KLF12: variants seen among roughly 807,000 people sequenced by gnomAD.
KLF12 encodes Krueppel-like factor 12.
A neutral mutation model predicts 37.8 loss-of-function variants in KLF12; 9 were observed. The ratio of observed to expected loss-of-function variants is 0.24; its 90% confidence interval spans 0.14 to 0.42. KLF12 has a LOEUF of 0.42. Ranked by LOEUF, KLF12 falls within the 10% of genes least tolerant of loss-of-function variation. The pLI, the probability that KLF12 is intolerant of heterozygous loss-of-function variation, is 1.00. For synonymous variants in KLF12, 208 were observed against 202.1 expected (o/e 1.03, Z -0.25); for missense variants, 411 against 516.0 (o/e 0.80, Z 1.97).
the KLF12 span, among the ~76,000 whole-genome samples, chr13:74,241,227 C>T: frequency 6.7e-6 from 1 of 149,710 alleles, no homozygotes; most frequent in African/African-American, 2.6e-5. Context: ...TGTGCCCCTG[C>T]TGGGGGGTGC....
At chr13:73,778,152 G>T (rs957609567) in intron 5 of KLF12, among the ~76,000 whole-genome samples, 3 of 146,790 alleles carry the variant, frequency 2.0e-5, no homozygotes, top group East Asian at 2.0e-4. Context: ...AATAAAAAAA[G>T]AAAACAAAAC....
intron 1 of KLF12, among the ~76,000 whole-genome samples, chr13:74,106,800 C>G (rs1876674153): frequency 6.6e-6 from 1 of 152,074 alleles, no homozygotes; most frequent in Admixed American, 6.6e-5. Flanking sequence ...TATCTGCCCA[C>G]AGCCAAGCCA....
chr13:73,844,927 G>A (rs1417982386), intron 4 of KLF12: 2 of 151,940 alleles, frequency 1.3e-5, no homozygotes, highest in African/African-American at 2.4e-5. Context: ...AATGATTATG[G>A]GCATTCTGCA....
In KLF12 at chr13:73,690,625, C is replaced by T. The variant is rs183717490; in HGVS notation, c.*4865G>A. ...TGGCCACTCTATTTTGAACAGAACA[C>T]GAAGAGCATGCTCTGACAAAGTTGG... is the stretch of plus-strand genomic sequence containing the variant. On this transcript the variant is annotated 3_prime_UTR_variant, in exon 8 of 8. Coordinates refer to ENST00000377669, the MANE Select transcript of KLF12 (RefSeq NM_007249.5). The T allele has an allele frequency of 3.9e-5, 6 of 152,278 alleles. No individual in the cohort carries two copies. The highest frequency in any genetic ancestry group is 1.2e-4 in the African/African-American group (5 of 41,562). 9.4% of individuals were successfully genotyped at this position (152,278 alleles called of 1,614,324 possible).
intron 6 of KLF12, among the ~76,000 whole-genome samples, chr13:73,763,369 TTTTA>T (rs1156871653): frequency 6.6e-6 from 1 of 152,172 alleles, no homozygotes; most frequent in African/African-American, 2.4e-5. Context: ...AGAAACCATG[TTTTA>T]TTTATCTTTC....
chr13:74,188,410 T>C, the KLF12 span, among the ~76,000 whole-genome samples: 4 of 152,210 alleles, frequency 2.6e-5, no homozygotes, highest in South Asian at 8.3e-4. Flanking sequence ...AATATGCAAA[T>C]TCGATCGTCA....
chr13:74,054,656 C>T (rs1303112131), intron 1 of KLF12, among the ~76,000 whole-genome samples: 1 of 152,178 alleles, frequency 6.6e-6, no homozygotes, highest in African/African-American at 2.4e-5. Flanking sequence ...AACTGTGCTG[C>T]CTCCTTTGTT....
At chr13:73,825,895 A>G (rs1883810034) in intron 4 of KLF12, among the ~76,000 whole-genome samples, 1 of 152,178 alleles carries the variant, frequency 6.6e-6, no homozygotes, top group Admixed American at 6.5e-5. Flanking sequence ...CCATCTGCTA[A>G]TAAGAGAGTA....
chr13:73,716,789 C>T (rs771139659), intron 6 of KLF12, among the ~76,000 whole-genome samples: 29 of 151,890 alleles, frequency 1.9e-4, no homozygotes, highest in Non-Finnish European at 3.4e-4. Context: ...TCATCCATGT[C>T]GATATAAATG....
At chr13:74,003,889 A>C (rs1053997461) in intron 1 of KLF12, among the ~76,000 whole-genome samples, 1 of 152,150 alleles carries the variant, frequency 6.6e-6, no homozygotes, top group African/African-American at 2.4e-5. Flanking sequence ...TGTCAATGGC[A>C]TTTTCAAAAG....
intron 3 of KLF12, among the ~76,000 whole-genome samples, chr13:73,921,887 A>G (rs1052268644): frequency 5.3e-5 from 8 of 152,212 alleles, no homozygotes; most frequent in African/African-American, 1.9e-4. Context: ...TAAAAGAAAT[A>G]CTACACCACT....
the KLF12 span, among the ~76,000 whole-genome samples, chr13:74,159,386 T>C: frequency 6.6e-6 from 1 of 152,194 alleles, no homozygotes; most frequent in Non-Finnish European, 1.5e-5. Flanking sequence ...TCTTCCCAAA[T>C]TCCTATCAGG....
intron 4 of KLF12, among the ~76,000 whole-genome samples, chr13:73,827,046 A>T (rs1166924426): frequency 6.6e-6 from 1 of 152,184 alleles, no homozygotes; most frequent in Non-Finnish European, 1.5e-5. Context: ...CTCCCAAAGC[A>T]CAAGGATTAC....
At chr13:73,915,185 A>G (rs1888757282) in intron 3 of KLF12, among the ~76,000 whole-genome samples, 2 of 152,240 alleles carry the variant, frequency 1.3e-5, no homozygotes, top group Non-Finnish European at 1.5e-5. Context: ...TCTGTAGCCA[A>G]ATCTTTTCCT....
chr13:73,842,208 T>C (rs1884774722), intron 4 of KLF12, among the ~76,000 whole-genome samples: 1 of 152,158 alleles, frequency 6.6e-6, no homozygotes, highest in Non-Finnish European at 1.5e-5. Flanking sequence ...TCCATGAGCA[T>C]CACAGTAAAT....
intron 1 of KLF12, among the ~76,000 whole-genome samples, chr13:74,042,881 A>G (rs1313531145): frequency 1.3e-5 from 2 of 152,332 alleles, no homozygotes; most frequent in African/African-American, 4.8e-5. Context: ...ATGGGCAAGA[A>G]GCCTTTCTAG....
rs183873738 is a variant in KLF12, at chr13:73,763,444, T to C, written c.869+1494A>G. Among the ~76,000 whole-genome samples the C allele has an allele frequency of 3.9e-5, 6 of 152,286 alleles. No individual in the cohort carries two copies. In the East Asian group the frequency reaches 1.2e-3, roughly 29 times the overall value. ...ATAAATGTTGCTGAATAAATAAAAG[T>C]TGAATTTTCTCAAGGCCAGTAGTAA... On this transcript the variant is annotated intron_variant, in intron 6 of 7. Transcript: ENST00000377669.
Position 73,990,702 on chromosome 13 carries a change from G to GT in KLF12, c.33+4287dup, listed in dbSNP as rs577204576. Among the ~76,000 whole-genome samples, 355 of 151,928 alleles carry GT rather than the reference G, an allele frequency of 2.3e-3. 2 individuals carry two copies. Among genetic ancestry groups the GT allele is most frequent in the African/African-American group, 7.4e-3 (307 of 41,450 alleles). On this transcript the variant is annotated intron_variant, in intron 2 of 7. Coordinates refer to ENST00000377669, the MANE Select transcript of KLF12 (RefSeq NM_007249.5). The stretch of plus-strand genomic sequence containing the variant: ...TCAAAAAACAGAATTCAAAGTTTGG[G>GT]TTTTTTTTAATTAACTGTTAATAAT...
chr13:74,151,677 A>G, the KLF12 span, among the ~76,000 whole-genome samples: 3 of 152,088 alleles, frequency 2.0e-5, no homozygotes, highest in African/African-American at 7.2e-5. Context: ...TAAATAAATA[A>G]GAAGATTCTC....
Sources: allele counts gnomAD v4.1 joint callset (sites outside exome capture counted in the v4.1 genomes callset), GRCh38; gene constraint gnomAD v4.1.1; transcripts MANE v1.5; gene names NCBI Gene and HGNC (gene_info 2026-07-23, HGNC 2026-07-21).